Variants in GLDC observed in about 807,000 individuals in gnomAD.
The protein encoded by GLDC is glycine dehydrogenase (decarboxylating), mitochondrial.
GLDC carries 104 observed loss-of-function variants against 121.3 expected under a neutral mutation model. The observed-to-expected ratio is 0.86, with a 90% confidence interval of 0.73 to 1.01. The LOEUF is 1.01. GLDC is among the 50% of genes least tolerant of loss of function. GLDC has a pLI of 0.00. For synonymous variants in GLDC, 546 were observed against 480.6 expected (o/e 1.14, Z -1.78); for missense variants, 1,429 against 1,306.6 (o/e 1.09, Z -1.44).
intron 15 of GLDC, among the ~76,000 whole-genome samples, 200 bp downstream of exon 15, chr9:6,586,941 C>T (rs1171844663): frequency 2.0e-5 from 3 of 152,180 alleles, no homozygotes; most frequent in Non-Finnish European, 4.4e-5. Context: ...TCCTCAAATG[C>T]ACTCCCAGCC....
intron 2 of GLDC, chr9:6,639,090 G>A (rs1364601289): frequency 4.3e-6 from 3 of 692,786 alleles, no homozygotes; most frequent in African/African-American, 1.8e-5. Flanking sequence ...CAAGGTGACA[G>A]TCCAATCTGC....
At position 6,639,674 on chromosome 9, in the gene GLDC, T is replaced by A. The variant is rs1168336901; in HGVS notation, c.334+4940A>T. On this transcript the variant is annotated intron_variant, in intron 2 of 24. Coordinates refer to ENST00000321612, the MANE Select transcript of GLDC (RefSeq NM_000170.3). Reference sequence around the variant, plus strand: ...CTTTTCACCATAAAAAAAAAGTATATATATATATATATATGGACAAAACAG... The same window carrying A: ...CTTTTCACCATAAAAAAAAAGTATAAATATATATATATATGGACAAAACAG... The A allele has an allele frequency of 2.9e-4, 71 of 240,964 alleles. 2 individuals carry two copies. The highest frequency in any genetic ancestry group is 1.4e-3 in the Middle Eastern group (1 of 692). 14.9% of individuals were successfully genotyped at this position (240,964 alleles called of 1,614,324 possible).
Position 6,536,081 on chromosome 9 carries a change from T to G in GLDC, c.2821A>C (p.Arg941=), listed in dbSNP as rs1587909520. The G allele has an allele frequency of 7.4e-6, 12 of 1,613,740 alleles. No individual in the cohort carries two copies. The highest frequency in any genetic ancestry group is 1.0e-5 in the Non-Finnish European group (12 of 1,179,824). Residue 941 remains arginine (R), a synonymous_variant, in exon 23 of 25, where the codon AGG becomes CGG. Transcript: ENST00000321612. Reference sequence around the variant, plus strand: ...CTACGCACCTTCAGCGGATTGACCCTGGGGTCGATGCGGCCCTCCTCAATG... The same window carrying G: ...CTACGCACCTTCAGCGGATTGACCCGGGGGTCGATGCGGCCCTCCTCAATG... ...ADIEEGRIDP[R]VNPLKMSPHS...
intron 8 of GLDC, among the ~76,000 whole-genome samples, chr9:6,601,787 G>A (rs1563855172): frequency 6.6e-6 from 1 of 151,990 alleles, no homozygotes; most frequent in Non-Finnish European, 1.5e-5. Context: ...ACCACTGACG[G>A]CTAATTTATT....
chr9:6,635,230 T>A (rs772665969), intron 2 of GLDC, among the ~76,000 whole-genome samples: 6 of 152,246 alleles, frequency 3.9e-5, no homozygotes, highest in Non-Finnish European at 5.9e-5. Context: ...ACCAAGTGCC[T>A]GAAGCAGTAT....
intron 5 of GLDC, 64 bp downstream of exon 5, chr9:6,606,528 G>C (rs548064989): frequency 4.0e-6 from 4 of 997,074 alleles, no homozygotes; most frequent in South Asian, 1.3e-5. Context: ...GTGAGAAAGA[G>C]AAAGAAACAG....
intron 17 of GLDC, 45 bp downstream of exon 17, chr9:6,558,514 C>T (rs1817681468): frequency 2.5e-6 from 4 of 1,609,748 alleles, no homozygotes; most frequent in Admixed American, 3.3e-5. Flanking sequence ...CCCACCAGCA[C>T]TCCCCATCCC....
chr9:6,572,730 T>C (rs1362066295), intron 15 of GLDC, among the ~76,000 whole-genome samples: 1 of 152,234 alleles, frequency 6.6e-6, no homozygotes, highest in Non-Finnish European at 1.5e-5. Flanking sequence ...TTCTTGGGTC[T>C]TACTCACTGC....
intron 9 of GLDC, 118 bp downstream of exon 9, chr9:6,594,893 TTCC>T: frequency 5.4e-6 from 4 of 735,390 alleles, no homozygotes; most frequent in Non-Finnish European, 1.0e-5. Context: ...GAAAGTATTT[TTCC>T]TCGTTTCTCA....
At chr9:6,545,962 T>G (rs1817379406) in intron 21 of GLDC, among the ~76,000 whole-genome samples, 1 of 152,150 alleles carries the variant, frequency 6.6e-6, no homozygotes, top group Non-Finnish European at 1.5e-5. Context: ...TTTTACTTTA[T>G]AAACTAAATT....
At chr9:6,584,325 T>A (rs182395421) in intron 15 of GLDC, among the ~76,000 whole-genome samples, 1 of 152,232 alleles carries the variant, frequency 6.6e-6, no homozygotes, top group African/African-American at 2.4e-5. Context: ...AAATTCTCCC[T>A]CTGTGCAGAG....
At chr9:6,543,102 C>T (rs961254210) in intron 21 of GLDC, among the ~76,000 whole-genome samples, 6 of 151,880 alleles carry the variant, frequency 4.0e-5, no homozygotes, top group Admixed American at 3.3e-4. Context: ...CAAAGCAAGA[C>T]CCTATCCTAC....
intron 15 of GLDC, among the ~76,000 whole-genome samples, chr9:6,579,567 CA>C (rs1473599067): frequency 6.6e-6 from 1 of 152,116 alleles, no homozygotes; most frequent in Non-Finnish European, 1.5e-5. Flanking sequence ...CTATGTCACC[CA>C]GGCTGTTCTC....
At chr9:6,617,632 T>C (rs902333249) in intron 3 of GLDC, among the ~76,000 whole-genome samples, 4 of 152,180 alleles carry the variant, frequency 2.6e-5, no homozygotes, top group Non-Finnish European at 4.4e-5. Flanking sequence ...TGTCCCCTTA[T>C]TAATAAAGTG....
chr9:6,601,346 C>T (rs934229025), intron 8 of GLDC, among the ~76,000 whole-genome samples: 2 of 152,124 alleles, frequency 1.3e-5, no homozygotes, highest in Non-Finnish European at 2.9e-5. Flanking sequence ...CCACCCATAA[C>T]AAACCTGGCC....
At chr9:6,534,347 C>T (rs1817070480) in intron 24 of GLDC, among the ~76,000 whole-genome samples, 1 of 150,128 alleles carries the variant, frequency 6.7e-6, no homozygotes, top group Non-Finnish European at 1.5e-5. Context: ...TTCTCCCTAC[C>T]TCACTCAAAC....
chr9:6,576,275 A>C (rs1422676000), intron 15 of GLDC, among the ~76,000 whole-genome samples: 1 of 152,124 alleles, frequency 6.6e-6, no homozygotes, highest in Non-Finnish European at 1.5e-5. Flanking sequence ...GTGAGGGCGC[A>C]CTTCCTGGTT....
chr9:6,599,780 A>G (rs1818564581), intron 8 of GLDC, among the ~76,000 whole-genome samples: 1 of 152,126 alleles, frequency 6.6e-6, no homozygotes, highest in Non-Finnish European at 1.5e-5. Context: ...TTGCTGTTCA[A>G]CAGAGGAAAA....
chr9:6,550,959 C>A, intron 20 of GLDC, 45 bp from the exon 21 acceptor site: 1 of 1,288,750 alleles, frequency 7.8e-7, no homozygotes, highest in Non-Finnish European at 1.1e-6. Context: ...AACAGGCAAA[C>A]ACGAATGTGA....
Sources: allele counts gnomAD v4.1 joint callset (sites outside exome capture counted in the v4.1 genomes callset), GRCh38; gene constraint gnomAD v4.1.1; transcripts MANE v1.5; gene names NCBI Gene and HGNC (gene_info 2026-07-23, HGNC 2026-07-21).